CDH12: variants seen among roughly 807,000 people sequenced by gnomAD.
CDH12 encodes the protein cadherin 12.
CDH12 carries 41 observed loss-of-function variants against 74.1 expected under a neutral mutation model. The observed-to-expected ratio is 0.55, with a 90% CI of 0.43 to 0.72. The LOEUF (loss-of-function observed/expected upper bound fraction) is 0.72. Ranked by LOEUF, CDH12 falls within the 30% of genes least tolerant of loss-of-function variation. The pLI, the probability that CDH12 is intolerant of heterozygous loss-of-function variation, is 0.00. For missense variants in CDH12, 945 were observed against 977.2 expected (o/e 0.97, Z 0.44); for synonymous variants, 399 against 355.0 (o/e 1.12, Z -1.39).
chr5:22,074,118 C>T (rs1276183076), intron 5 of CDH12, among the ~76,000 whole-genome samples: 4 of 151,828 alleles, frequency 2.6e-5, no homozygotes, highest in African/African-American at 9.7e-5. Context: ...AATGTGAAGA[C>T]GATGAGGATA....
At chr5:22,117,674 A>C (rs1002289566) in intron 4 of CDH12, among the ~76,000 whole-genome samples, 1 of 149,332 alleles carries the variant, frequency 6.7e-6, no homozygotes, top group Admixed American at 6.8e-5. Flanking sequence ...AACGATAAAG[A>C]GTGCTTAAGT....
Position 21,855,967 on chromosome 5 carries a change from G to A in CDH12, c.527-1177C>T, listed in dbSNP as rs115264159. On this transcript the variant is annotated intron_variant, in intron 6 of 14. Transcript: ENST00000382254. ...AGACATTCAATGCCAAGGTCTTTCA[G>A]TTTAAAATGGTTGAGTGAATCTTGG... Among the ~76,000 whole-genome samples, 1,249 of 151,786 alleles carry A rather than the reference G, an allele frequency of 8.2e-3. 13 individuals carry two copies. The highest frequency in any genetic ancestry group is 0.029 in the African/African-American group (1,189 of 41,482).
At chr5:22,593,426 C>T (rs1736442999) in intron 1 of CDH12, among the ~76,000 whole-genome samples, 1 of 152,124 alleles carries the variant, frequency 6.6e-6, no homozygotes, top group Admixed American at 6.6e-5. Context: ...CTCCTGTTTT[C>T]CCTGTTTTAC....
chr5:21,885,685 T>C (rs1248713259), intron 6 of CDH12, among the ~76,000 whole-genome samples: 1 of 152,212 alleles, frequency 6.6e-6, no homozygotes, highest in Non-Finnish European at 1.5e-5. Context: ...GTTTAGGATA[T>C]TCACTTTTTA....
At chr5:22,730,378 T>C (rs1744373053) in intron 1 of CDH12, among the ~76,000 whole-genome samples, 1 of 151,790 alleles carries the variant, frequency 6.6e-6, no homozygotes, top group Non-Finnish European at 1.5e-5. Flanking sequence ...TATATTTGTT[T>C]TGTTTTTCCA....
chr5:22,365,690 C>G (rs376256592), intron 3 of CDH12, among the ~76,000 whole-genome samples: 2 of 152,216 alleles, frequency 1.3e-5, no homozygotes, highest in African/African-American at 4.8e-5. Flanking sequence ...ATTAACTGAT[C>G]TGCAAAAACT....
chr5:22,594,830 G>A (rs1387968204), intron 1 of CDH12, among the ~76,000 whole-genome samples: 1 of 152,158 alleles, frequency 6.6e-6, no homozygotes, highest in Non-Finnish European at 1.5e-5. Context: ...AGGACTGGCT[G>A]TTCTCTGTTC....
intron 5 of CDH12, among the ~76,000 whole-genome samples, chr5:22,004,163 C>A (rs553903881): frequency 2.1e-4 from 32 of 152,264 alleles, no homozygotes; most frequent in Non-Finnish European, 4.3e-4. Flanking sequence ...TCTAAAACAG[C>A]CACCCATTAA....
intron 1 of CDH12, among the ~76,000 whole-genome samples, chr5:22,828,722 G>T (rs1736450111): frequency 6.6e-6 from 1 of 152,142 alleles, no homozygotes; most frequent in Non-Finnish European, 1.5e-5. Flanking sequence ...GTGCGTGCTA[G>T]AAAATCAATG....
intron 6 of CDH12, among the ~76,000 whole-genome samples, chr5:21,961,090 T>C (rs1756339513): frequency 6.6e-6 from 1 of 152,070 alleles, no homozygotes; most frequent in African/African-American, 2.4e-5. Context: ...TCCAAATCCT[T>C]ACTAATTTTT....
intron 1 of CDH12, among the ~76,000 whole-genome samples, chr5:22,698,735 AGTGTGT>A (rs374493879): frequency 0.013 from 183 of 14,508 alleles, 27 homozygotes; most frequent in Non-Finnish European, 0.014. Context: ...ATATATATAT[AGTGTGT>A]GTGTGTGTGT....
At chr5:22,132,654 G>T (rs1297850526) in intron 4 of CDH12, among the ~76,000 whole-genome samples, 1 of 152,090 alleles carries the variant, frequency 6.6e-6, no homozygotes, top group Non-Finnish European at 1.5e-5. Flanking sequence ...AAAATCCCTA[G>T]GTGGGGTTCA....
At chr5:22,643,124 A>T (rs1739236993) in intron 1 of CDH12, among the ~76,000 whole-genome samples, 1 of 152,186 alleles carries the variant, frequency 6.6e-6, no homozygotes, top group African/African-American at 2.4e-5. Flanking sequence ...AAAAAGTGCA[A>T]GCTATATTGA....
chr5:21,864,129 A>G (rs1245658083), intron 6 of CDH12, among the ~76,000 whole-genome samples: 6 of 149,696 alleles, frequency 4.0e-5, no homozygotes, highest in Middle Eastern at 3.2e-3. Flanking sequence ...CAGAAAGAAT[A>G]TGTGTGTGTG....
chr5:22,377,538 GA>G (rs1202099987), intron 3 of CDH12, among the ~76,000 whole-genome samples: 1 of 152,114 alleles, frequency 6.6e-6, no homozygotes, highest in African/African-American at 2.4e-5. Context: ...TCATGAGCCT[GA>G]CTCTTATTGA....
At chr5:22,768,113 C>T (rs1746616396) in intron 1 of CDH12, among the ~76,000 whole-genome samples, 1 of 151,932 alleles carries the variant, frequency 6.6e-6, no homozygotes, top group Admixed American at 6.6e-5. Flanking sequence ...AAAGATGGTA[C>T]TCAAATCAAT....
intron 1 of CDH12, among the ~76,000 whole-genome samples, chr5:22,749,136 T>C (rs527516947): frequency 6.6e-6 from 1 of 152,360 alleles, no homozygotes; most frequent in South Asian, 2.1e-4. Flanking sequence ...GACAACTGAC[T>C]GATGCATTGG....
At chr5:22,248,593 C>A (rs1753036993) in intron 3 of CDH12, among the ~76,000 whole-genome samples, 1 of 151,894 alleles carries the variant, frequency 6.6e-6, no homozygotes. Flanking sequence ...TGGACTAATC[C>A]AATGAATGAA....
At chr5:22,679,374 T>C (rs1464332263) in intron 1 of CDH12, among the ~76,000 whole-genome samples, 1 of 152,106 alleles carries the variant, frequency 6.6e-6, no homozygotes, top group African/African-American at 2.4e-5. Context: ...CTAAAGAGGA[T>C]GCATTTTGAA....
Sources: allele counts gnomAD v4.1 joint callset (sites outside exome capture counted in the v4.1 genomes callset), GRCh38; gene constraint gnomAD v4.1.1; transcripts MANE v1.5; gene names NCBI Gene and HGNC (gene_info 2026-07-23, HGNC 2026-07-21).